The following FSHR variants were observed in gnomAD, a reference collection of about 807,000 sequenced individuals.
FSHR encodes the protein follicle-stimulating hormone receptor.
A neutral mutation model predicts 52.1 loss-of-function variants in FSHR; 46 were observed. The observed-to-expected ratio is 0.88, with a 90% CI of 0.70 to 1.13. The LOEUF (loss-of-function observed/expected upper bound fraction) is 1.13. Ranked by LOEUF, FSHR falls within the 50% of genes most tolerant of loss-of-function variation. The probability of loss-of-function intolerance (pLI) is 0.00; values close to 1 mark genes in which losing one functional copy is unlikely to be tolerated. For missense variants in FSHR, 964 were observed against 834.6 expected, an observed-to-expected ratio of 1.16 and a Z score of -1.91; for synonymous variants, 399 against 309.6, an observed-to-expected ratio of 1.29 and a Z score of -3.03.
chr2:49,050,224 T>A (rs79851100), intron 2 of FSHR, among the ~76,000 whole-genome samples: 5,803 of 152,284 alleles, frequency 0.038, 163 homozygotes, highest in Middle Eastern at 0.061. Context: ...TCCCAACTGA[T>A]GGCTAAGTTA....
chr2:49,004,336 G>A (rs1403733960), intron 4 of FSHR, among the ~76,000 whole-genome samples: 3 of 152,198 alleles, frequency 2.0e-5, no homozygotes, highest in Non-Finnish European at 2.9e-5. Flanking sequence ...GCTGATTTAA[G>A]CTTCTCACTG....
Position 49,132,968 on chromosome 2 carries a change from T to TAAAAAAAAAAAAAAA in FSHR, c.152+21283_152+21297dup, listed in dbSNP as rs34913428. On this transcript the variant is annotated intron_variant, in intron 1 of 9. Transcript: ENST00000406846. ...TTCAAGAACATTTATTAAAACTCAGTAAAAAAAAAAAAAAAAAAAAAAAAA... is the reference window on the plus strand; with the variant it reads ...TTCAAGAACATTTATTAAAACTCAGTAAAAAAAAAAAAAAAAAAAAAAAAAAAAAAAAAAAAAAAA... 1.3e-3 allele frequency among the ~76,000 whole-genome samples: 62 copies of TAAAAAAAAAAAAAAA among 48,650 alleles called. 3 individuals are homozygous for TAAAAAAAAAAAAAAA. The highest frequency in any genetic ancestry group is 5.2e-3 in the African/African-American group (61 of 11,778). 31.9% of individuals were successfully genotyped at this position (48,650 alleles called of 152,430 possible). A position where few individuals can be genotyped will look rare whatever the true frequency, so the allele number is the denominator to read the frequency against.
At chr2:49,033,412 T>C (rs1392291002) in intron 2 of FSHR, among the ~76,000 whole-genome samples, 1 of 152,226 alleles carries the variant, frequency 6.6e-6, no homozygotes, top group Non-Finnish European at 1.5e-5. Flanking sequence ...GGTTTTTCTT[T>C]CTTCTAGCAC....
intron 4 of FSHR, among the ~76,000 whole-genome samples, chr2:49,005,943 T>C (rs951440886): frequency 2.0e-5 from 3 of 152,138 alleles, no homozygotes; most frequent in Non-Finnish European, 2.9e-5. Flanking sequence ...GGGTACCATC[T>C]AATCAGCTGC....
At chr2:49,065,431 GA>G (rs779350661) in intron 2 of FSHR, among the ~76,000 whole-genome samples, 6 of 152,068 alleles carry the variant, frequency 3.9e-5, no homozygotes, top group Non-Finnish European at 8.8e-5. Context: ...AGTAGGACTG[GA>G]GGAGCACCTT....
chr2:49,028,086 CT>C (rs1326137399), intron 2 of FSHR, among the ~76,000 whole-genome samples: 1 of 152,042 alleles, frequency 6.6e-6, no homozygotes, highest in Non-Finnish European at 1.5e-5. Context: ...TGACCTGACA[CT>C]TTTGGCAGAG....
chr2:48,987,659 C>G (rs1457392567), intron 6 of FSHR, among the ~76,000 whole-genome samples: 1 of 152,110 alleles, frequency 6.6e-6, no homozygotes, highest in Non-Finnish European at 1.5e-5. Flanking sequence ...GCTTCCTTTC[C>G]CTTGTTTAAC....
At chr2:49,134,117 C>T (rs1672398926) in intron 1 of FSHR, among the ~76,000 whole-genome samples, 1 of 152,182 alleles carries the variant, frequency 6.6e-6, no homozygotes, top group Non-Finnish European at 1.5e-5. Context: ...AAACTACCAT[C>T]AGAGTGAACA....
chr2:49,127,799 CTT>C (rs1672077006), intron 1 of FSHR, among the ~76,000 whole-genome samples: 1 of 55,396 alleles, frequency 1.8e-5, no homozygotes, highest in Non-Finnish European at 3.2e-5. Flanking sequence ...TCTTCTTCTT[CTT>C]CTTCTTCTTC....
chr2:49,028,870 G>A (rs889823268), intron 2 of FSHR, among the ~76,000 whole-genome samples: 4 of 152,170 alleles, frequency 2.6e-5, no homozygotes, highest in Non-Finnish European at 4.4e-5. Flanking sequence ...CAGACCACTC[G>A]ATGAGAAAGA....
chr2:49,099,968 C>A (rs984742527), intron 1 of FSHR, among the ~76,000 whole-genome samples: 2 of 152,054 alleles, frequency 1.3e-5, no homozygotes, highest in Non-Finnish European at 2.9e-5. Flanking sequence ...CTGTATAAAT[C>A]CAAAGCTAAG....
intron 1 of FSHR, among the ~76,000 whole-genome samples, chr2:49,101,158 T>C (rs1029552531): frequency 6.6e-6 from 1 of 151,940 alleles, no homozygotes; most frequent in Non-Finnish European, 1.5e-5. Context: ...GTTAAGGAAA[T>C]AAAAACAGCA....
intron 2 of FSHR, among the ~76,000 whole-genome samples, chr2:49,037,737 T>C (rs1423406439): frequency 6.6e-6 from 1 of 152,086 alleles, no homozygotes; most frequent in Non-Finnish European, 1.5e-5. Flanking sequence ...ACTCATGATA[T>C]TGCTCACAAA....
intron 1 of FSHR, among the ~76,000 whole-genome samples, chr2:49,080,297 T>C (rs1670119613): frequency 6.6e-6 from 1 of 152,192 alleles, no homozygotes; most frequent in African/African-American, 2.4e-5. Context: ...TTTGTTAATA[T>C]TCATTAAAGT....
chr2:49,013,773 G>A (rs545546588), intron 4 of FSHR, among the ~76,000 whole-genome samples: 4 of 151,690 alleles, frequency 2.6e-5, no homozygotes, highest in South Asian at 2.1e-4. Context: ...TGAATTGAAC[G>A]TTTGTGTCCT....
chr2:49,097,609 C>T (rs2103712136), intron 1 of FSHR, among the ~76,000 whole-genome samples: 1 of 152,172 alleles, frequency 6.6e-6, no homozygotes, highest in East Asian at 1.9e-4. Context: ...GAATGAAGAA[C>T]CAACTTGGAA....
At chr2:49,050,169 G>C (rs1668802997) in intron 2 of FSHR, among the ~76,000 whole-genome samples, 1 of 152,138 alleles carries the variant, frequency 6.6e-6, no homozygotes, top group African/African-American at 2.4e-5. Context: ...ACTCACGTTT[G>C]ACCTGGGTCA....
chr2:49,134,579 GA>G (rs1372501939), intron 1 of FSHR, among the ~76,000 whole-genome samples: 2 of 152,116 alleles, frequency 1.3e-5, no homozygotes, highest in Non-Finnish European at 2.9e-5. Context: ...ATACCCAAAG[GA>G]TTATAAATCA....
At chr2:49,000,227 T>C (rs76742922) in intron 4 of FSHR, among the ~76,000 whole-genome samples, 3,729 of 152,240 alleles carry the variant, frequency 0.024, 72 homozygotes, top group South Asian at 0.043. Flanking sequence ...GCTAGGGTTG[T>C]AAATGATATC....
Sources: gnomAD v4.1 joint callset for allele counts (sites outside exome capture counted in the v4.1 genomes callset) on GRCh38, gnomAD v4.1.1 for gene constraint, MANE v1.5 for transcripts, NCBI Gene and HGNC (gene_info 2026-07-23, HGNC 2026-07-21) for gene names.